The following DPP6 variants were observed in gnomAD, a reference collection of about 807,000 sequenced individuals.
DPP6 encodes A-type potassium channel modulatory protein DPP6.
Under a neutral mutation model 122.6 loss-of-function variants are expected in DPP6, and 69 were observed. That is an observed-to-expected ratio of 0.56 (90% CI 0.46 to 0.69). DPP6 has a LOEUF of 0.69. Ranked by LOEUF, DPP6 falls within the 30% of genes least tolerant of loss-of-function variation. DPP6 has a pLI of 0.00. For missense variants in DPP6, 928 were observed against 1,116.9 expected, an observed-to-expected ratio of 0.83 and a Z score of 2.41; for synonymous variants, 418 against 433.1, an observed-to-expected ratio of 0.97 and a Z score of 0.43.
the DPP6 span, among the ~76,000 whole-genome samples, chr7:153,832,881 G>A: frequency 6.6e-6 from 1 of 152,052 alleles, no homozygotes; most frequent in Non-Finnish European, 1.5e-5. Context: ...TGTCGTGTTG[G>A]GGCAATAGAG....
At position 154,893,559 on chromosome 7, in the gene DPP6, G is replaced by C. The variant is rs1219055041; in HGVS notation, c.*1079G>C. ...GCCACGGGAGTCCTGAGGGTTCTGTGGGCCTGCGCGCATCCCTCTCCCATC... is the reference window on the plus strand; with the variant it reads ...GCCACGGGAGTCCTGAGGGTTCTGTCGGCCTGCGCGCATCCCTCTCCCATC... On this transcript the variant is annotated 3_prime_UTR_variant, in exon 26 of 26. Coordinates refer to ENST00000377770, the MANE Select transcript of DPP6 (RefSeq NM_130797.4). 1 of 151,626 alleles carries C rather than the reference G, an allele frequency of 6.6e-6. No individual in the cohort carries two copies. The highest frequency in any genetic ancestry group is 1.5e-5 in the Non-Finnish European group (1 of 67,932). 9.4% of individuals were successfully genotyped at this position (151,626 alleles called of 1,614,324 possible). A position where few individuals can be genotyped will look rare whatever the true frequency, so the allele number is the denominator to read the frequency against.
At chr7:154,160,028 G>C (rs952812100) in intron 1 of DPP6, among the ~76,000 whole-genome samples, 8 of 152,170 alleles carry the variant, frequency 5.3e-5, no homozygotes, top group Non-Finnish European at 1.2e-4. Flanking sequence ...AGGATCCCTT[G>C]ATCCCAGCAG....
chr7:154,166,050 C>T (rs1288233894), intron 1 of DPP6, among the ~76,000 whole-genome samples: 1 of 152,190 alleles, frequency 6.6e-6, no homozygotes, highest in Admixed American at 6.5e-5. Flanking sequence ...CTGCCGTTGG[C>T]ACCCCCAGAA....
At chr7:154,007,898 C>T (rs1797980609) in intron 1 of DPP6, among the ~76,000 whole-genome samples, 1 of 151,992 alleles carries the variant, frequency 6.6e-6, no homozygotes, top group South Asian at 2.1e-4. Context: ...GATAGCCTGG[C>T]ATTGACGTTC....
At chr7:154,082,993 C>T (rs780844402) in intron 1 of DPP6, among the ~76,000 whole-genome samples, 6 of 151,958 alleles carry the variant, frequency 3.9e-5, no homozygotes, top group Middle Eastern at 3.4e-3. Flanking sequence ...GGACTGCAGG[C>T]GCCCGCCACC....
chr7:153,893,420 A>T (rs1194954563), intron 1 of DPP6, among the ~76,000 whole-genome samples: 1 of 152,250 alleles, frequency 6.6e-6, no homozygotes, highest in Non-Finnish European at 1.5e-5. Context: ...GGCTTTGCAC[A>T]GGAAGCATTT....
intron 1 of DPP6, among the ~76,000 whole-genome samples, chr7:154,030,193 C>T (rs563642824): frequency 4.3e-4 from 66 of 152,288 alleles, no homozygotes; most frequent in African/African-American, 1.5e-3. Flanking sequence ...AAGACCCTGT[C>T]TAAAAGAAAT....
At chr7:154,713,099 G>A (rs2131310829) in intron 7 of DPP6, among the ~76,000 whole-genome samples, 1 of 152,364 alleles carries the variant, frequency 6.6e-6, no homozygotes, top group South Asian at 2.1e-4. Context: ...CCCCATGCAT[G>A]TCCAAAATCC....
intron 16 of DPP6, among the ~76,000 whole-genome samples, chr7:154,843,791 C>T (rs1801743241): frequency 6.6e-6 from 1 of 152,232 alleles, no homozygotes; most frequent in Admixed American, 6.5e-5. Context: ...TAGCTGGTCC[C>T]CTGACCCCTT....
At chr7:154,826,183 C>T (rs780688573) in intron 16 of DPP6, among the ~76,000 whole-genome samples, 1 of 152,152 alleles carries the variant, frequency 6.6e-6, no homozygotes, top group Non-Finnish European at 1.5e-5. Flanking sequence ...TATTTGAAGC[C>T]TTCAAATAGG....
the DPP6 span, among the ~76,000 whole-genome samples, chr7:153,797,813 G>C: frequency 6.6e-6 from 1 of 152,066 alleles, no homozygotes; most frequent in Non-Finnish European, 1.5e-5. Flanking sequence ...TAGAGAGAGG[G>C]AGCTCTGGTG....
chr7:154,170,930 G>A (rs1443491010), intron 1 of DPP6, among the ~76,000 whole-genome samples: 1 of 152,190 alleles, frequency 6.6e-6, no homozygotes, highest in Admixed American at 6.5e-5. Flanking sequence ...CCCTCGGTGG[G>A]TGAGTTAGGC....
intron 1 of DPP6, among the ~76,000 whole-genome samples, chr7:153,989,644 C>A (rs1405868098): frequency 2.6e-5 from 4 of 152,004 alleles, no homozygotes; most frequent in Admixed American, 6.5e-5. Flanking sequence ...CTGGAGCCCA[C>A]AGGCAGTGAC....
In DPP6 at chr7:154,739,322, G is replaced by A. The variant is rs1408162960; in HGVS notation, c.883+11435G>A. Reference sequence around the variant, plus strand: ...CAAGTTTGGTGCCCAAAGCAGAAGAGGAATTGTCTAGAGGGATGTTGGGGA... The same window carrying A: ...CAAGTTTGGTGCCCAAAGCAGAAGAAGAATTGTCTAGAGGGATGTTGGGGA... On this transcript the variant is annotated intron_variant, in intron 8 of 25. Transcript: ENST00000377770. Among the ~76,000 whole-genome samples the A allele has an allele frequency of 3.3e-5, 5 of 152,314 alleles. No homozygotes were observed. In the East Asian group the frequency reaches 9.7e-4, roughly 29 times the overall value.
rs527501287 is a variant in DPP6 at position 154,828,470 on chromosome 7, CA to C, written c.1666+21363del. ...CCGGCAAATGACAAAGTCTTGTTCT[CA>C]AAAACTTAAAAAGTTTTCTAAAGAA... is the stretch of plus-strand genomic sequence containing the variant. On this transcript the variant is annotated intron_variant, in intron 16 of 25. Transcript: ENST00000377770. Among the ~76,000 whole-genome samples the C allele has an allele frequency of 2.2e-3, 328 of 152,234 alleles. 1 individual carries two copies. Among genetic ancestry groups the C allele is most frequent in the African/African-American group, 7.5e-3 (311 of 41,538 alleles).
chr7:154,062,030 C>T (rs1342386740), intron 1 of DPP6, among the ~76,000 whole-genome samples: 3 of 124,554 alleles, frequency 2.4e-5, no homozygotes, highest in Admixed American at 8.1e-5. Context: ...GGGGAGGCAC[C>T]CCCCGCGAGG....
rs1028178690 is a variant in DPP6 at position 154,229,564 on chromosome 7, G to A, written c.243+176501G>A. Among the ~76,000 whole-genome samples the A allele has an allele frequency of 5.4e-4, 82 of 152,154 alleles. 1 individual carries two copies. Among genetic ancestry groups the A allele is most frequent in the Admixed American group, 4.1e-3 (62 of 15,284 alleles). ...TTTTTCCTCACAAATTGATGTGGAT[G>A]GATTACCACTGAGGGCTTCATCTTC... On this transcript the variant is annotated intron_variant, in intron 1 of 25. Coordinates refer to ENST00000377770, the MANE Select transcript of DPP6 (RefSeq NM_130797.4).
chr7:154,745,825 A>G (rs1587005229), intron 8 of DPP6, among the ~76,000 whole-genome samples: 1 of 152,186 alleles, frequency 6.6e-6, no homozygotes, highest in African/African-American at 2.4e-5. Flanking sequence ...GGGGGAGGCC[A>G]TTAACCTTTT....
chr7:154,842,362 AATTT>A (rs1801621737), intron 16 of DPP6, among the ~76,000 whole-genome samples: 1 of 152,116 alleles, frequency 6.6e-6, no homozygotes, highest in African/African-American at 2.4e-5. Flanking sequence ...TGTCTTTATG[AATTT>A]TTTTTATTTA....
Sources: gnomAD v4.1 joint callset for allele counts (sites outside exome capture counted in the v4.1 genomes callset) on GRCh38, gnomAD v4.1.1 for gene constraint, MANE v1.5 for transcripts, NCBI Gene and HGNC (gene_info 2026-07-23, HGNC 2026-07-21) for gene names.